Variants in PCDH9 observed in about 807,000 individuals in gnomAD.
PCDH9 encodes protocadherin-9.
PCDH9 carries 24 observed loss-of-function variants against 70.6 expected under a neutral mutation model. That is an observed-to-expected ratio of 0.34 (90% CI 0.25 to 0.48). The LOEUF (loss-of-function observed/expected upper bound fraction) is 0.48. Among genes scored for constraint, PCDH9 ranks in the 20% least tolerant of loss-of-function variants. The pLI is 0.99. For missense variants in PCDH9, 1,281 were observed against 1,503.6 expected, an observed-to-expected ratio of 0.85 and a Z score of 2.45; for synonymous variants, 562 against 558.5, an observed-to-expected ratio of 1.01 and a Z score of -0.09.
intron 4 of PCDH9, among the ~76,000 whole-genome samples, chr13:66,309,497 A>G (rs1288711613): frequency 6.6e-6 from 1 of 152,004 alleles, no homozygotes; most frequent in African/African-American, 2.4e-5. Context: ...GGAGAAAAAC[A>G]TTGTTTTAAA....
chr13:67,051,367 G>C (rs1477521582), intron 2 of PCDH9, among the ~76,000 whole-genome samples: 1 of 143,142 alleles, frequency 7.0e-6, no homozygotes, highest in Non-Finnish European at 1.5e-5. Flanking sequence ...CGAAATACCA[G>C]GAAAACAATA....
At chr13:66,385,429 C>T (rs979583656) in intron 4 of PCDH9, among the ~76,000 whole-genome samples, 1 of 152,002 alleles carries the variant, frequency 6.6e-6, no homozygotes, top group African/African-American at 2.4e-5. Context: ...TTTTCTCATG[C>T]CTCCGTCTAG....
intron 4 of PCDH9, among the ~76,000 whole-genome samples, chr13:66,481,942 G>GCACGCACA (rs112159517): frequency 1.3e-5 from 2 of 148,616 alleles, no homozygotes; most frequent in East Asian, 4.0e-4. Context: ...ACACATGCAC[G>GCACGCACA]CACACACACA....
intron 2 of PCDH9, among the ~76,000 whole-genome samples, chr13:67,107,286 G>A (rs2138257849): frequency 6.6e-6 from 1 of 150,728 alleles, no homozygotes; most frequent in South Asian, 2.1e-4. Context: ...CATGGGGGCC[G>A]GGCTGTCACT....
At chr13:66,392,743 T>TA (rs796728824) in intron 4 of PCDH9, among the ~76,000 whole-genome samples, 5 of 152,018 alleles carry the variant, frequency 3.3e-5, no homozygotes, top group South Asian at 4.2e-4. Flanking sequence ...TTACACTGCA[T>TA]AAAAAAAATG....
intron 4 of PCDH9, among the ~76,000 whole-genome samples, chr13:66,451,174 A>T (rs1026581672): frequency 2.0e-5 from 3 of 152,256 alleles, no homozygotes; most frequent in Non-Finnish European, 4.4e-5. Context: ...AATATATTTT[A>T]AAAATTCACT....
chr13:66,893,664 A>G, intron 3 of PCDH9, among the ~76,000 whole-genome samples: 1 of 152,168 alleles, frequency 6.6e-6, no homozygotes. Flanking sequence ...GAGATGCAAT[A>G]AAAACACATG....
intron 4 of PCDH9, among the ~76,000 whole-genome samples, chr13:66,327,218 C>G (rs972069496): frequency 6.6e-6 from 1 of 152,108 alleles, no homozygotes. Flanking sequence ...GTTGCCAGAT[C>G]GACACATGTT....
intron 4 of PCDH9, among the ~76,000 whole-genome samples, chr13:66,611,016 C>T (rs935316580): frequency 2.0e-5 from 3 of 152,008 alleles, no homozygotes; most frequent in Admixed American, 6.6e-5. Flanking sequence ...AATTTAAAAG[C>T]TAGTTCAAGT....
chr13:67,041,169 G>A (rs767092619), intron 2 of PCDH9, among the ~76,000 whole-genome samples: 3 of 152,098 alleles, frequency 2.0e-5, no homozygotes, highest in Non-Finnish European at 4.4e-5. Context: ...TTTCAGAACT[G>A]GATCTGCTGG....
chr13:66,517,572 T>C (rs1436190129), intron 4 of PCDH9, among the ~76,000 whole-genome samples: 1 of 152,136 alleles, frequency 6.6e-6, no homozygotes, highest in African/African-American at 2.4e-5. Context: ...CATGTGAAAT[T>C]CCTACCAGAA....
At chr13:66,857,355 T>C (rs2081411565) in intron 3 of PCDH9, among the ~76,000 whole-genome samples, 2 of 152,106 alleles carry the variant, frequency 1.3e-5, no homozygotes, top group South Asian at 4.1e-4. Flanking sequence ...TTTACTGAAA[T>C]CCCTTAGAAA....
At chr13:67,141,023 A>T (rs2087372266) in intron 2 of PCDH9, among the ~76,000 whole-genome samples, 2 of 152,130 alleles carry the variant, frequency 1.3e-5, no homozygotes, top group South Asian at 4.1e-4. Flanking sequence ...TTTTCAGCAC[A>T]ACTTGGGCCA....
intron 2 of PCDH9, among the ~76,000 whole-genome samples, chr13:67,079,125 T>C (rs2138178452): frequency 6.6e-6 from 1 of 151,970 alleles, no homozygotes; most frequent in Non-Finnish European, 1.5e-5. Flanking sequence ...CTGAACAACA[T>C]GGTAGCAGTG....
intron 4 of PCDH9, among the ~76,000 whole-genome samples, chr13:66,624,043 C>T (rs953758656): frequency 6.6e-6 from 1 of 152,054 alleles, no homozygotes. Flanking sequence ...GCAGAAAATC[C>T]TTTAAAATAA....
intron 3 of PCDH9, among the ~76,000 whole-genome samples, chr13:66,681,572 T>C (rs374560973): frequency 6.6e-6 from 1 of 152,114 alleles, no homozygotes; most frequent in African/African-American, 2.4e-5. Context: ...TCTTTTTCTC[T>C]AGGCACTACT....
At chr13:66,958,390 G>T (rs1196596116) in intron 2 of PCDH9, among the ~76,000 whole-genome samples, 2 of 152,184 alleles carry the variant, frequency 1.3e-5, no homozygotes, top group African/African-American at 4.8e-5. Context: ...CAGTCAGGGA[G>T]TTGCATTGAT....
At chr13:66,898,901 T>C (rs1407775348) in intron 3 of PCDH9, among the ~76,000 whole-genome samples, 1 of 151,984 alleles carries the variant, frequency 6.6e-6, no homozygotes, top group Non-Finnish European at 1.5e-5. Context: ...GTTGGTGATG[T>C]AGGCTCAAGA....
chr13:66,517,222 T>A (rs528563341), intron 4 of PCDH9, among the ~76,000 whole-genome samples: 1 of 152,274 alleles, frequency 6.6e-6, no homozygotes, highest in African/African-American at 2.4e-5. Flanking sequence ...ATTTTGAACA[T>A]GACCTCAAAG....
Sources: gnomAD v4.1 joint callset for allele counts (sites outside exome capture counted in the v4.1 genomes callset) on GRCh38, gnomAD v4.1.1 for gene constraint, MANE v1.5 for transcripts, NCBI Gene and HGNC (gene_info 2026-07-23, HGNC 2026-07-21) for gene names.